NBPF20: variants seen among roughly 807,000 people sequenced by gnomAD.
The protein encoded by NBPF20 is NBPF member 20, also known as NBPF family member NBPF20.
Under a neutral mutation model 68.1 loss-of-function variants are expected in NBPF20, and 90 were observed. The observed-to-expected ratio is 1.32, with a 90% CI of 1.11 to 1.58. The LOEUF is 1.58. NBPF20 is among the 40% of genes most tolerant of loss of function. The pLI, the probability that NBPF20 is intolerant of heterozygous loss-of-function variation, is 0.00. For synonymous variants in NBPF20, 290 were observed against 228.1 expected (o/e 1.27, Z -2.45); for missense variants, 816 against 601.2 (o/e 1.36, Z -3.74).
intron 137 of NBPF20, among the ~76,000 whole-genome samples, chr1:145,292,075 C>T (rs1206707481): frequency 6.0e-5 from 9 of 149,340 alleles, no homozygotes; most frequent in Admixed American, 5.9e-4. Context: ...CCTCATGACA[C>T]ACAGCAAACT....
the NBPF20 span, among the ~76,000 whole-genome samples, chr1:145,425,158 C>T: frequency 2.0e-5 from 3 of 152,142 alleles, no homozygotes; most frequent in African/African-American, 7.2e-5. Context: ...GGGCTGCGGG[C>T]GGCAGCGGCA....
chr1:145,394,078 C>T, intron 8 of NBPF20, 143 bp from the exon 14 acceptor site: 3 of 655,840 alleles, frequency 4.6e-6, no homozygotes, highest in East Asian at 2.6e-5. Flanking sequence ...TTCCAGTAGG[C>T]CTGAGGTCAA....
chr1:145,342,743 A>G (rs1661627015), intron 73 of NBPF20, among the ~76,000 whole-genome samples, 184 bp from the exon 79 acceptor site: 1 of 112,240 alleles, frequency 8.9e-6, no homozygotes, highest in Admixed American at 9.2e-5. Context: ...AGAATGAAAG[A>G]GAAAGACAGA....
intron 7 of NBPF20, among the ~76,000 whole-genome samples, chr1:145,397,341 C>A (rs1354159968): frequency 6.6e-6 from 1 of 152,204 alleles, no homozygotes; most frequent in African/African-American, 2.4e-5. Flanking sequence ...GAGGAATTGT[C>A]ACACTGCCTT....
the NBPF20 span, among the ~76,000 whole-genome samples, chr1:145,421,061 AGAGG>A: frequency 7.7e-5 from 11 of 142,190 alleles, no homozygotes; most frequent in Non-Finnish European, 1.5e-4. Flanking sequence ...GCCTTGAATT[AGAGG>A]TTAGTGAGCT....
the NBPF20 span, among the ~76,000 whole-genome samples, chr1:145,419,642 C>T: frequency 6.6e-6 from 1 of 152,010 alleles, no homozygotes. Context: ...TCCCTCCTCG[C>T]ACTGGCTCCC....
chr1:145,415,114 A>T, the NBPF20 span, among the ~76,000 whole-genome samples: 1 of 151,906 alleles, frequency 6.6e-6, no homozygotes, highest in Non-Finnish European at 1.5e-5. Context: ...AATAGTGGAG[A>T]GAAGATCAGC....
At chr1:145,415,017 T>C in the NBPF20 span, among the ~76,000 whole-genome samples, 777 of 133,088 alleles carry the variant, frequency 5.8e-3, no homozygotes, top group African/African-American at 8.6e-3. Flanking sequence ...GGAGGACCCA[T>C]GCCGGCACTG....
exon 138 of NBPF20, chr1:145,291,517 A>G (rs1325912759): frequency 3.7e-6 from 6 of 1,612,014 alleles, no homozygotes; most frequent in East Asian, 2.2e-5. Context: ...TCGGCTTAGT[A>G]AGGGCTGTTT....
At chr1:145,410,930 T>C in the NBPF20 span, among the ~76,000 whole-genome samples, 1 of 139,012 alleles carries the variant, frequency 7.2e-6, no homozygotes, top group Admixed American at 7.0e-5. Flanking sequence ...TGTATACATA[T>C]ATATATGTCC....
At chr1:145,411,255 C>A in the NBPF20 span, among the ~76,000 whole-genome samples, 3 of 149,426 alleles carry the variant, frequency 2.0e-5, no homozygotes, top group East Asian at 5.9e-4. Flanking sequence ...ACTTTTTAAA[C>A]ATAACAACTC....
At position 145,403,206 on chromosome 1, in the gene NBPF20, G is replaced by C. The variant is rs1329763421; in HGVS notation, c.278+10C>G. ...CTGCCCCCCTGCCTGCCACCATGGG[G>C]TCCCCTCACCTGAGCTCCTCAGCTT... is the stretch of plus-strand genomic sequence containing the variant. On this transcript the variant is annotated intron_variant, in intron 3 of 137. Coordinates refer to ENST00000369373, the Ensembl canonical transcript of NBPF20. 1 of 1,612,106 alleles carries C rather than the reference G, an allele frequency of 6.2e-7. No individual in the cohort carries two copies. Among genetic ancestry groups the C allele is most frequent in the African/African-American group, 1.3e-5 (1 of 74,820 alleles).
At chr1:145,410,744 A>G in the NBPF20 span, among the ~76,000 whole-genome samples, 2 of 143,110 alleles carry the variant, frequency 1.4e-5, no homozygotes, top group East Asian at 2.0e-4. Flanking sequence ...CTGTGTATAT[A>G]TATATACATA....
intron 1 of NBPF20, 41 bp from the exon 7 acceptor site, chr1:145,405,348 G>C: frequency 4.0e-6 from 6 of 1,485,270 alleles, no homozygotes; most frequent in Non-Finnish European, 5.6e-6. Context: ...GTTAAAAACT[G>C]GTGAAATCAA....
rs587731470 is a variant in NBPF20 at position 145,292,348 on chromosome 1, C to G, written c.16697+33G>C. The G allele has an allele frequency of 1.9e-4, 127 of 658,616 alleles. 1 individual carries two copies. The highest frequency in any genetic ancestry group is 7.8e-4 in the East Asian group (31 of 39,586). 40.8% of individuals were successfully genotyped at this position (658,616 alleles called of 1,614,324 possible). A position where few individuals can be genotyped will look rare whatever the true frequency, so the allele number is the denominator to read the frequency against. On this transcript the variant is annotated intron_variant, in intron 137 of 137. Coordinates refer to ENST00000369373, the Ensembl canonical transcript of NBPF20. Reference sequence around the variant, plus strand: ...AATCTGTTGCCTCCAGGTGTTAACACAGAATTAAGCATCCACAATTGCTGA... The same window carrying G: ...AATCTGTTGCCTCCAGGTGTTAACAGAGAATTAAGCATCCACAATTGCTGA...
At chr1:145,412,270 G>A in the NBPF20 span, among the ~76,000 whole-genome samples, 1 of 152,054 alleles carries the variant, frequency 6.6e-6, no homozygotes, top group South Asian at 2.1e-4. Context: ...GTTTTTGGAA[G>A]CATGTATCCT....
At chr1:145,291,551 T>C (rs781907982) in exon 138 of NBPF20, 2 of 1,612,042 alleles carry the variant, frequency 1.2e-6, no homozygotes, top group Admixed American at 1.7e-5. Flanking sequence ...GACTCCCATC[T>C]GGAACACCAG....
chr1:145,403,146 C>A, intron 3 of NBPF20, 70 bp downstream of exon 8: 1 of 1,584,498 alleles, frequency 6.3e-7, no homozygotes, highest in Non-Finnish European at 8.6e-7. Context: ...CTTACGTCTC[C>A]CCACCGAGCT....
upstream of NBPF20, among the ~76,000 whole-genome samples, chr1:145,407,497 T>C (rs1472794767): frequency 8.2e-5 from 12 of 146,220 alleles, no homozygotes; most frequent in African/African-American, 2.8e-4. Flanking sequence ...CATGAATATA[T>C]ATAATATATA....
Sources: gnomAD v4.1 joint callset for allele counts (sites outside exome capture counted in the v4.1 genomes callset) on GRCh38, gnomAD v4.1.1 for gene constraint, MANE v1.5 for transcripts, NCBI Gene and HGNC (gene_info 2026-07-23, HGNC 2026-07-21) for gene names.